The following KCNK1 variants were observed in gnomAD, a reference collection of about 807,000 sequenced individuals.
KCNK1 encodes the protein potassium two pore domain channel subfamily K member 1.
A neutral mutation model predicts 22.2 loss-of-function variants in KCNK1; 10 were observed. That is an observed-to-expected ratio of 0.45 (90% CI 0.28 to 0.76). The LOEUF (loss-of-function observed/expected upper bound fraction) is 0.76. Ranked by LOEUF, KCNK1 falls within the 30% of genes least tolerant of loss-of-function variation. The pLI is 0.14. For missense variants in KCNK1, 378 were observed against 421.0 expected, an observed-to-expected ratio of 0.90 and a Z score of 0.89; for synonymous variants, 200 against 186.4, an observed-to-expected ratio of 1.07 and a Z score of -0.60.
chr1:233,637,909 T>G (rs1355326285), intron 1 of KCNK1, among the ~76,000 whole-genome samples: 1 of 152,144 alleles, frequency 6.6e-6, no homozygotes, highest in Non-Finnish European at 1.5e-5. Flanking sequence ...GATAGGCAAT[T>G]TGAAGACTCA....
chr1:233,624,242 G>A (rs1156913981), intron 1 of KCNK1: 1 of 152,914 alleles, frequency 6.5e-6, no homozygotes, highest in African/African-American at 2.4e-5. Flanking sequence ...CACTGAGGAG[G>A]GAGGCGGCAG....
chr1:233,648,051 T>C (rs1658128987), intron 1 of KCNK1, among the ~76,000 whole-genome samples: 1 of 152,246 alleles, frequency 6.6e-6, no homozygotes, highest in Admixed American at 6.5e-5. Flanking sequence ...TCTGAAGATA[T>C]TATGGAATCA....
At chr1:233,664,545 C>T (rs539878736) in intron 1 of KCNK1, among the ~76,000 whole-genome samples, 2 of 152,240 alleles carry the variant, frequency 1.3e-5, no homozygotes, top group East Asian at 1.9e-4. Context: ...TTTGAGGACG[C>T]GTACCCCTTG....
chr1:233,629,946 A>G (rs2102887616), intron 1 of KCNK1: 3 of 152,264 alleles, frequency 2.0e-5, no homozygotes, highest in Middle Eastern at 6.8e-3. Flanking sequence ...GTACGTAGGA[A>G]TATAAGTTTT....
chr1:233,650,918 C>G (rs1358439036), intron 1 of KCNK1, among the ~76,000 whole-genome samples: 4 of 152,126 alleles, frequency 2.6e-5, no homozygotes, highest in African/African-American at 9.7e-5. Context: ...GAAGCCTTAG[C>G]AGGTGGCTGC....
chr1:233,666,076 T>C (rs562739995), intron 1 of KCNK1, among the ~76,000 whole-genome samples: 1 of 152,350 alleles, frequency 6.6e-6, no homozygotes, highest in South Asian at 2.1e-4. Context: ...ACTGGACTCA[T>C]ATTATCTTGG....
intron 1 of KCNK1, among the ~76,000 whole-genome samples, chr1:233,622,344 A>G (rs145922753): frequency 1.1e-3 from 168 of 152,260 alleles, no homozygotes; most frequent in African/African-American, 3.6e-3. Flanking sequence ...ACATCTTCCA[A>G]TTGTATTATT....
intron 1 of KCNK1, among the ~76,000 whole-genome samples, chr1:233,643,189 A>T (rs1658033482): frequency 6.6e-6 from 1 of 152,108 alleles, no homozygotes; most frequent in South Asian, 2.1e-4. Context: ...AGTCATGCAT[A>T]TGTGGGGTTA....
At chr1:233,667,231 A>T (rs1658507709) in intron 2 of KCNK1, among the ~76,000 whole-genome samples, 1 of 151,994 alleles carries the variant, frequency 6.6e-6, no homozygotes, top group Admixed American at 6.6e-5. Context: ...TCACCTCTCA[A>T]TGAGGGGTCA....
At chr1:233,655,351 C>T (rs947100406) in intron 1 of KCNK1, among the ~76,000 whole-genome samples, 3 of 152,140 alleles carry the variant, frequency 2.0e-5, no homozygotes, top group African/African-American at 7.2e-5. Context: ...TGAATCATAC[C>T]TTGCGTCTCA....
chr1:233,644,185 T>C (rs1658050646), intron 1 of KCNK1, among the ~76,000 whole-genome samples: 1 of 152,086 alleles, frequency 6.6e-6, no homozygotes, highest in Non-Finnish European at 1.5e-5. Flanking sequence ...ATAAACCCAC[T>C]CCCACAAGCC....
intron 1 of KCNK1, among the ~76,000 whole-genome samples, chr1:233,634,757 C>T (rs907861508): frequency 8.5e-5 from 13 of 152,202 alleles, no homozygotes; most frequent in Non-Finnish European, 1.5e-4. Flanking sequence ...ATTTACACTT[C>T]CTTAGAATCA....
intron 1 of KCNK1, among the ~76,000 whole-genome samples, chr1:233,642,316 C>T (rs958362213): frequency 3.3e-5 from 5 of 152,206 alleles, no homozygotes; most frequent in Admixed American, 3.3e-4. Context: ...ACTTCTATCT[C>T]ATCAGCCAGA....
At chr1:233,614,554 G>A in intron 1 of KCNK1, 28 bp downstream of exon 1, 3 of 1,509,608 alleles carry the variant, frequency 2.0e-6, no homozygotes, top group South Asian at 1.3e-5. Context: ...CCCCCTGGCC[G>A]CCCCGGCCAC....
intron 1 of KCNK1, among the ~76,000 whole-genome samples, chr1:233,653,699 C>T (rs907500693): frequency 6.6e-6 from 1 of 152,108 alleles, no homozygotes; most frequent in Non-Finnish European, 1.5e-5. Flanking sequence ...GTTCTCAGGC[C>T]TTCAAACTTG....
intron 1 of KCNK1, among the ~76,000 whole-genome samples, chr1:233,628,477 C>T (rs115176491): frequency 0.022 from 3,298 of 152,220 alleles, 120 homozygotes; most frequent in African/African-American, 0.072. Flanking sequence ...TTTAAAAAGT[C>T]GGCCGGATGT....
chr1:233,649,026 A>G (rs1483403663), intron 1 of KCNK1, among the ~76,000 whole-genome samples: 2 of 152,216 alleles, frequency 1.3e-5, no homozygotes, highest in African/African-American at 4.8e-5. Flanking sequence ...GGGATCTCAC[A>G]TGGATTGAGC....
chr1:233,642,008 C>T (rs1401478504), intron 1 of KCNK1, among the ~76,000 whole-genome samples: 3 of 152,146 alleles, frequency 2.0e-5, no homozygotes, highest in African/African-American at 7.2e-5. Context: ...AAGCTGTCTT[C>T]AGTGGTTAGC....
At chr1:233,622,328 C>G (rs1486330498) in intron 1 of KCNK1, among the ~76,000 whole-genome samples, 2 of 152,184 alleles carry the variant, frequency 1.3e-5, no homozygotes, top group Non-Finnish European at 2.9e-5. Context: ...CTTTTATTCT[C>G]CAAAGACATC....
Sources: allele counts gnomAD v4.1 joint callset (sites outside exome capture counted in the v4.1 genomes callset), GRCh38; gene constraint gnomAD v4.1.1; transcripts MANE v1.5; gene names NCBI Gene and HGNC (gene_info 2026-07-23, HGNC 2026-07-21).